Variants in UHRF2 observed in about 807,000 individuals in gnomAD.
UHRF2 encodes the protein ubiquitin like with PHD and ring finger domains 2, also known as E3 ubiquitin-protein ligase UHRF2.
In UHRF2, 23 loss-of-function variants were observed where a neutral mutation model predicts 96.8. That is an observed-to-expected ratio of 0.24 (90% CI 0.17 to 0.34). UHRF2 has a LOEUF of 0.34. Among genes scored for constraint, UHRF2 ranks in the 10% least tolerant of loss-of-function variants. The pLI is 1.00. For missense variants in UHRF2, 685 were observed against 981.5 expected (o/e 0.70, Z 4.04); for synonymous variants, 385 against 332.6 (o/e 1.16, Z -1.72).
At chr9:6,505,821 A>G (rs1816552584) in intron 15 of UHRF2, among the ~76,000 whole-genome samples, 2 of 152,220 alleles carry the variant, frequency 1.3e-5, no homozygotes, top group African/African-American at 2.4e-5. Flanking sequence ...AATTACATAA[A>G]TAATTTACCT....
chr9:6,498,095 T>A lies in UHRF2; in HGVS notation c.1845T>A (p.Val615=). 1 of 1,614,064 alleles carries A rather than the reference T, an allele frequency of 6.2e-7. No homozygotes were observed. Among genetic ancestry groups the A allele is most frequent in the Non-Finnish European group, 8.5e-7 (1 of 1,179,968 alleles). Residue 615 remains valine (V), a synonymous_variant, in exon 12 of 16, where the codon GTT becomes GTA. Transcript: ENST00000276893. Reference sequence around the variant, plus strand: ...GCTATCTTTTAAGAAGAGATGATGTTGAACCTGCTCCTTGGACCTCTGAAG... The same window carrying A: ...GCTATCTTTTAAGAAGAGATGATGTAGAACCTGCTCCTTGGACCTCTGAAG... ...VWRYLLRRDD[V]EPAPWTSEGI... is the part of the protein sequence containing the mutation.
intron 9 of UHRF2, among the ~76,000 whole-genome samples, chr9:6,487,559 G>A (rs948152358): frequency 2.0e-5 from 3 of 152,148 alleles, no homozygotes; most frequent in South Asian, 2.1e-4. Flanking sequence ...TAGAAATGGG[G>A]TTTCACCACG....
intron 8 of UHRF2, among the ~76,000 whole-genome samples, chr9:6,485,371 G>A (rs975610887): frequency 2.0e-5 from 3 of 151,856 alleles, no homozygotes; most frequent in Non-Finnish European, 4.4e-5. Context: ...AACTCTGAAA[G>A]CCTCCTTATA....
chr9:6,424,069 A>G (rs373865020), intron 2 of UHRF2, among the ~76,000 whole-genome samples: 31 of 152,364 alleles, frequency 2.0e-4, no homozygotes, highest in Admixed American at 1.0e-3. Flanking sequence ...AAGCCAATTC[A>G]TGCTTCCTTA....
intron 8 of UHRF2, among the ~76,000 whole-genome samples, chr9:6,486,402 G>C (rs1824292182): frequency 6.6e-6 from 1 of 152,170 alleles, no homozygotes; most frequent in Non-Finnish European, 1.5e-5. Flanking sequence ...CTGCATTTTT[G>C]ACTTCACAAA....
intron 6 of UHRF2, 123 bp downstream of exon 6, chr9:6,477,931 G>A: frequency 1.2e-6 from 1 of 817,554 alleles, no homozygotes; most frequent in Non-Finnish European, 1.9e-6. Context: ...GTTATGGCCA[G>A]TGGTTACTTA....
At chr9:6,461,050 C>T (rs1318967785) in intron 4 of UHRF2, among the ~76,000 whole-genome samples, 2 of 152,276 alleles carry the variant, frequency 1.3e-5, no homozygotes, top group African/African-American at 4.8e-5. Context: ...GAAATTCTTA[C>T]TTCCTCATAG....
At chr9:6,433,429 T>A (rs1016545891) in intron 2 of UHRF2, among the ~76,000 whole-genome samples, 2 of 152,252 alleles carry the variant, frequency 1.3e-5, no homozygotes, top group African/African-American at 4.8e-5. Context: ...AGACTCTTTT[T>A]TTTATTGTGC....
intron 8 of UHRF2, among the ~76,000 whole-genome samples, chr9:6,486,470 C>T (rs1004593155): frequency 2.0e-5 from 3 of 152,198 alleles, no homozygotes; most frequent in African/African-American, 7.2e-5. Flanking sequence ...ACGGTATAGA[C>T]TGCTGGTAGT....
At chr9:6,485,670 G>C (rs1193795907) in intron 8 of UHRF2, among the ~76,000 whole-genome samples, 1 of 141,244 alleles carries the variant, frequency 7.1e-6, no homozygotes, top group Non-Finnish European at 1.5e-5. Flanking sequence ...ACTCTGCTAA[G>C]AACAATTGTA....
intron 9 of UHRF2, among the ~76,000 whole-genome samples, chr9:6,487,320 G>T (rs1293052818): frequency 2.0e-5 from 3 of 149,056 alleles, no homozygotes; most frequent in Non-Finnish European, 4.4e-5. Flanking sequence ...TCCCAAGTAT[G>T]TGAGATTTCA....
intron 11 of UHRF2, 78 bp from the exon 12 acceptor site, chr9:6,497,940 G>C: frequency 1.3e-6 from 2 of 1,540,700 alleles, no homozygotes; most frequent in Non-Finnish European, 1.8e-6. Context: ...TTCTGGCAAA[G>C]ATTATTTTGA....
intron 4 of UHRF2, among the ~76,000 whole-genome samples, chr9:6,467,174 G>A (rs1019442732): frequency 2.6e-5 from 4 of 152,144 alleles, no homozygotes; most frequent in African/African-American, 9.7e-5. Context: ...CTCTAAGGGA[G>A]AACCCATTTT....
chr9:6,484,276 A>G (rs79385173), intron 8 of UHRF2, among the ~76,000 whole-genome samples: 1,971 of 151,920 alleles, frequency 0.013, 46 homozygotes, highest in African/African-American at 0.044. Flanking sequence ...GGGTCATGCT[A>G]TGTTACCCAG....
chr9:6,457,569 A>G (rs1249110135), intron 3 of UHRF2, among the ~76,000 whole-genome samples: 1 of 152,212 alleles, frequency 6.6e-6, no homozygotes, highest in African/African-American at 2.4e-5. Flanking sequence ...GAGAGAGGCC[A>G]TCCCTGTCTT....
chr9:6,500,069 C>A, intron 13 of UHRF2, 138 bp downstream of exon 13: 1 of 622,538 alleles, frequency 1.6e-6, no homozygotes, highest in Non-Finnish European at 2.8e-6. Context: ...ACCTCCTGGG[C>A]TCAAGCGATC....
In UHRF2 at chr9:6,500,727, T is replaced by C. The variant is rs183725730; in HGVS notation, c.2163+18T>C. 1 of 1,590,958 alleles carries C rather than the reference T, an allele frequency of 6.3e-7. No individual in the cohort carries two copies. The highest frequency in any genetic ancestry group is 8.5e-7 in the Non-Finnish European group (1 of 1,170,366). On this transcript the variant is annotated intron_variant, in intron 14 of 15. Transcript: ENST00000276893. ...AAGGACCAGTATGTGAAGATTTTTT[T>C]AAATAATAACATTCTGATATTAACA...
At chr9:6,445,373 C>G (rs148151483) in intron 3 of UHRF2, among the ~76,000 whole-genome samples, 141 of 152,228 alleles carry the variant, frequency 9.3e-4, no homozygotes, top group Non-Finnish European at 1.7e-3. Context: ...AAGCGATTCT[C>G]CTGCTTCAGC....
chr9:6,464,065 T>C (rs546874081), intron 4 of UHRF2, among the ~76,000 whole-genome samples: 1 of 152,334 alleles, frequency 6.6e-6, no homozygotes, highest in Admixed American at 6.5e-5. Context: ...TCTGCAACAG[T>C]ATGAGAGTTC....
Sources: allele counts gnomAD v4.1 joint callset (sites outside exome capture counted in the v4.1 genomes callset), GRCh38; gene constraint gnomAD v4.1.1; transcripts MANE v1.5; gene names NCBI Gene and HGNC (gene_info 2026-07-23, HGNC 2026-07-21).